The following AGMO variants were observed in gnomAD, a reference collection of about 807,000 sequenced individuals.
AGMO encodes alkylglycerol monooxygenase.
A neutral mutation model predicts 60.2 loss-of-function variants in AGMO; 75 were observed. The ratio of observed to expected loss-of-function variants is 1.25; its 90% CI spans 1.03 to 1.51. The LOEUF (loss-of-function observed/expected upper bound fraction) is 1.51. AGMO is among the 40% of genes most tolerant of loss of function. AGMO has a pLI of 0.00. For missense variants in AGMO, 763 were observed against 525.5 expected, an observed-to-expected ratio of 1.45 and a Z score of -4.42; for synonymous variants, 261 against 177.1, an observed-to-expected ratio of 1.47 and a Z score of -3.76.
At chr7:15,119,968 C>G in the AGMO span, among the ~76,000 whole-genome samples, 1 of 147,970 alleles carries the variant, frequency 6.8e-6, no homozygotes, top group Non-Finnish European at 1.5e-5. Flanking sequence ...TTCTCCTCTT[C>G]TGCACTGGTT....
intron 4 of AGMO, among the ~76,000 whole-genome samples, chr7:15,422,024 TA>T (rs963799485): frequency 6.6e-6 from 1 of 151,946 alleles, no homozygotes; most frequent in Non-Finnish European, 1.5e-5. Context: ...GACTCCCAGT[TA>T]ATGTCCAAGT....
At chr7:15,179,550 A>G in the AGMO span, among the ~76,000 whole-genome samples, 3 of 152,118 alleles carry the variant, frequency 2.0e-5, no homozygotes, top group East Asian at 3.9e-4. Flanking sequence ...AGAACTCCTG[A>G]GGTCTCAGGC....
At chr7:15,367,297 G>T (rs1783025579) in intron 10 of AGMO, among the ~76,000 whole-genome samples, 1 of 151,516 alleles carries the variant, frequency 6.6e-6, no homozygotes, top group South Asian at 2.1e-4. Context: ...AAACATTTTT[G>T]TCAGAATTAT....
chr7:15,200,299 T>C (rs920925830), downstream of AGMO: 1 of 152,184 alleles, frequency 6.6e-6, no homozygotes, highest in African/African-American at 2.4e-5. Context: ...ACAATCCCAA[T>C]GAACAATGTA....
At position 15,439,136 on chromosome 7, in the gene AGMO, C is replaced by T. The variant is rs182166071; in HGVS notation, c.410-8028G>A. ...GAACATGACCGGGCACAGTGGCTCA[C>T]ACCTGTCATCCCAGCACTTTGGGAG... On this transcript the variant is annotated intron_variant, in intron 3 of 12. Transcript: ENST00000342526. Among the ~76,000 whole-genome samples the T allele has an allele frequency of 5.6e-4, 85 of 152,286 alleles. No homozygotes were observed. In the South Asian group the frequency reaches 6.0e-3, roughly 11 times the overall value.
At chr7:15,353,884 A>G (rs561893386) in intron 12 of AGMO, among the ~76,000 whole-genome samples, 10 of 152,290 alleles carry the variant, frequency 6.6e-5, no homozygotes, top group Middle Eastern at 3.4e-3. Flanking sequence ...AATTGCCTTA[A>G]TAAAGATGAT....
intron 5 of AGMO, among the ~76,000 whole-genome samples, chr7:15,415,699 A>G (rs1234032312): frequency 2.0e-5 from 3 of 152,230 alleles, no homozygotes. Flanking sequence ...GTGTAATAGT[A>G]TCATTATATG....
rs1404078738 is a variant in AGMO at position 15,495,812 on chromosome 7, G to C, written c.409+48960C>G. Among the ~76,000 whole-genome samples, 3 of 141,876 alleles carry C rather than the reference G, an allele frequency of 2.1e-5. No homozygotes were observed. The Admixed American group carries it at 2.2e-4, about 11-fold the overall frequency. The allele number at this position is 141,876 out of a possible 152,430, so 93.1% of individuals were successfully genotyped here. On this transcript the variant is annotated intron_variant, in intron 3 of 12. Coordinates refer to ENST00000342526, the MANE Select transcript of AGMO (RefSeq NM_001004320.2). ...ATACAGCTTTTCCTTTGTAAGTGGG[G>C]ATGGAGACTCTCTCTCTCTCTCTCT... is the stretch of plus-strand genomic sequence containing the variant.
In AGMO at chr7:15,431,099, A is replaced by T; in HGVS notation, c.419T>A (p.Ile140Asn). ...WFHRMAHEVNIMWAGHQTHHS... is the reference protein window; with the variant it reads ...WFHRMAHEVNNMWAGHQTHHS... ...ATGTGTTTGGTGTCCGGCCCACATA[A>T]TATTAACTTCTGCAAAACACATAAT... is the stretch of plus-strand genomic sequence containing the variant. Residue 140 changes from isoleucine (I) to asparagine (N), a missense_variant, in exon 4 of 13, where the codon ATT becomes AAT. Ile to Asn is a moderately radical substitution (Grantham distance 149). Coordinates refer to ENST00000342526, the MANE Select transcript of AGMO (RefSeq NM_001004320.2). 6.2e-7 allele frequency: 1 copy of T among 1,610,166 alleles called. No homozygotes were observed.
chr7:15,392,530 G>A (rs1371085979), intron 6 of AGMO, among the ~76,000 whole-genome samples: 3 of 152,104 alleles, frequency 2.0e-5, no homozygotes, highest in African/African-American at 7.2e-5. Flanking sequence ...GCTGGGTGCA[G>A]TGACTCAGGC....
intron 12 of AGMO, among the ~76,000 whole-genome samples, chr7:15,299,826 T>C (rs1014460274): frequency 3.2e-4 from 16 of 50,400 alleles, no homozygotes; most frequent in Non-Finnish European, 5.7e-4. Context: ...AGACTCTGTC[T>C]ACATACACAC....
chr7:15,227,209 GTA>G (rs1287888192), intron 12 of AGMO, among the ~76,000 whole-genome samples: 1 of 151,924 alleles, frequency 6.6e-6, no homozygotes, highest in African/African-American at 2.4e-5. Context: ...TAACATAAGA[GTA>G]TATTCTCAGT....
chr7:15,206,079 G>A (rs976506224), intron 12 of AGMO, among the ~76,000 whole-genome samples: 1 of 151,946 alleles, frequency 6.6e-6, no homozygotes, highest in Non-Finnish European at 1.5e-5. Flanking sequence ...ATTGTCAGCT[G>A]TACAGATAAG....
intron 12 of AGMO, among the ~76,000 whole-genome samples, chr7:15,342,241 A>G (rs1781879265): frequency 6.7e-6 from 1 of 150,360 alleles, no homozygotes; most frequent in African/African-American, 2.5e-5. Context: ...TTGGGAAGAA[A>G]AGAAGTCTCT....
chr7:15,365,378 AG>A, intron 12 of AGMO, 135 bp downstream of exon 12: 2 of 462,472 alleles, frequency 4.3e-6, no homozygotes, highest in Admixed American at 4.0e-5. Flanking sequence ...AGTACTGGTA[AG>A]TAAAAAAAAA....
chr7:15,138,048 T>G, the AGMO span, among the ~76,000 whole-genome samples: 1 of 152,244 alleles, frequency 6.6e-6, no homozygotes, highest in African/African-American at 2.4e-5. Context: ...CAAATGATAC[T>G]GTACACCAAC....
intron 4 of AGMO, among the ~76,000 whole-genome samples, chr7:15,421,938 A>C (rs1391109819): frequency 6.6e-6 from 1 of 152,126 alleles, no homozygotes; most frequent in Admixed American, 6.6e-5. Flanking sequence ...CTGAAACAGG[A>C]CAGTCTCAGA....
chr7:15,561,874 G>T lies in AGMO; in HGVS notation c.-29C>A. ...TGCCCTTGTCTGATTCCCAGCTGGA[G>T]AATATTTAGGATTCAATGCTTGAAG... is the stretch of plus-strand genomic sequence containing the variant. On this transcript the variant is annotated 5_prime_UTR_variant, in exon 1 of 13. Transcript: ENST00000342526. 1 of 1,578,066 alleles carries T rather than the reference G, an allele frequency of 6.3e-7. No homozygotes were observed. Among genetic ancestry groups the T allele is most frequent in the African/African-American group, 1.4e-5 (1 of 73,418 alleles).
intron 10 of AGMO, among the ~76,000 whole-genome samples, chr7:15,376,548 A>C (rs1222747106): frequency 6.6e-6 from 1 of 152,098 alleles, no homozygotes; most frequent in Non-Finnish European, 1.5e-5. Flanking sequence ...CTGTAACTTG[A>C]AATATATCAT....
Sources: gnomAD v4.1 joint callset for allele counts (sites outside exome capture counted in the v4.1 genomes callset) on GRCh38, gnomAD v4.1.1 for gene constraint, MANE v1.5 for transcripts, NCBI Gene and HGNC (gene_info 2026-07-23, HGNC 2026-07-21) for gene names.